Variants in KIF5A observed in about 807,000 individuals in gnomAD.
KIF5A encodes kinesin heavy chain isoform 5A.
A neutral mutation model predicts 141.3 loss-of-function variants in KIF5A; 35 were observed. The observed-to-expected ratio is 0.25, with a 90% CI of 0.19 to 0.33. KIF5A has a LOEUF of 0.33. Ranked by LOEUF, KIF5A falls within the 10% of genes least tolerant of loss-of-function variation. The probability of loss-of-function intolerance (pLI) is 1.00; values close to 1 mark genes in which losing one functional copy is unlikely to be tolerated. For missense variants in KIF5A, 861 were observed against 1,314.3 expected (o/e 0.66, Z 5.33); for synonymous variants, 448 against 500.2 (o/e 0.90, Z 1.39).
At chr12:57,577,911 G>C in intron 21 of KIF5A, 98 bp from the exon 22 acceptor site, 1 of 1,244,422 alleles carries the variant, frequency 8.0e-7, no homozygotes, top group Non-Finnish European at 1.2e-6. Context: ...AAGGATAAGT[G>C]ACTCACTTGA....
chr12:57,579,809 G>T (rs1882539603), intron 23 of KIF5A, among the ~76,000 whole-genome samples: 1 of 152,120 alleles, frequency 6.6e-6, no homozygotes, highest in Admixed American at 6.5e-5. Flanking sequence ...GCTCTATGGA[G>T]CAAGCCCCAG....
rs199504538 is a variant in KIF5A at position 57,569,433 on chromosome 12, C to T, written c.968+29C>T. On this transcript the variant is annotated intron_variant, in intron 10 of 28. Transcript: ENST00000455537. ...AGTGGCAGGGTCCCCAGAGGGATCC[C>T]TGGTACCCAGCTTCCCATCCCAGCC... 469 of 1,613,798 alleles carry T rather than the reference C, an allele frequency of 2.9e-4. 2 individuals are homozygous for T. The highest frequency in any genetic ancestry group is 1.6e-4 in the Middle Eastern group (1 of 6,084).
At chr12:57,558,423 C>G (rs2140155693) in intron 1 of KIF5A, among the ~76,000 whole-genome samples, 1 of 152,214 alleles carries the variant, frequency 6.6e-6, no homozygotes, top group Non-Finnish European at 1.5e-5. Flanking sequence ...CGCCTGTAAT[C>G]TCAGCATTGG....
chr12:57,558,432 G>A (rs1056116526), intron 1 of KIF5A, among the ~76,000 whole-genome samples: 7 of 150,506 alleles, frequency 4.7e-5, no homozygotes, highest in African/African-American at 1.7e-4. Flanking sequence ...TCTCAGCATT[G>A]GGAGGCCAAG....
chr12:57,576,614 G>C (rs1882434058), intron 19 of KIF5A, 147 bp from the exon 20 acceptor site: 2 of 732,708 alleles, frequency 2.7e-6, no homozygotes, highest in Non-Finnish European at 4.8e-6. Context: ...ACAGTGGCCT[G>C]AGTCTGCCTC....
At chr12:57,564,025 G>T (rs1398779298) in intron 3 of KIF5A, 83 bp from the exon 4 acceptor site, 2 of 957,574 alleles carry the variant, frequency 2.1e-6, no homozygotes, top group African/African-American at 1.6e-5. Context: ...ATTGACTCTT[G>T]CCTTGGTGTT....
chr12:57,555,144 G>A (rs1054107308), intron 1 of KIF5A, among the ~76,000 whole-genome samples: 1 of 152,132 alleles, frequency 6.6e-6, no homozygotes, highest in Non-Finnish European at 1.5e-5. Flanking sequence ...TATGGCTTTT[G>A]CTAACTATCT....
intron 19 of KIF5A, 25 bp from the exon 20 acceptor site, chr12:57,576,736 T>C: frequency 6.5e-7 from 1 of 1,549,978 alleles, no homozygotes; most frequent in Non-Finnish European, 8.9e-7. Context: ...CTCCCCCATC[T>C]CCATTACCTT....
At chr12:57,559,350 C>T (rs1167346381) in intron 1 of KIF5A, among the ~76,000 whole-genome samples, 2 of 152,164 alleles carry the variant, frequency 1.3e-5, no homozygotes, top group South Asian at 2.1e-4. Flanking sequence ...TATCTATTTA[C>T]TCACATTCTC....
intron 6 of KIF5A, among the ~76,000 whole-genome samples, chr12:57,565,352 C>A (rs1882032617): frequency 6.6e-6 from 1 of 151,958 alleles, no homozygotes; most frequent in Non-Finnish European, 1.5e-5. Context: ...ACCTGGGAGG[C>A]AGAGGTTGCG....
rs964106 is a variant in KIF5A at position 57,583,574 on chromosome 12, A to C, written c.*36+359A>C. ...ATCTATCAGGAGACCCTAGGGGGCC[A>C]TCTCAACCCCACCTCTTCCTCCACC... is the stretch of plus-strand genomic sequence containing the variant. On this transcript the variant is annotated intron_variant, in intron 28 of 28. Transcript: ENST00000455537. Among the ~76,000 whole-genome samples, 467 of 152,302 alleles carry C rather than the reference A, an allele frequency of 3.1e-3. 18 individuals carry two copies. In the East Asian group the frequency reaches 0.068, roughly 22 times the overall value.
rs371727146 is a variant in KIF5A at position 57,567,661 on chromosome 12, C to CTT, written c.714+59_714+60dup. On this transcript the variant is annotated intron_variant, in intron 8 of 28. Coordinates refer to ENST00000455537, the MANE Select transcript of KIF5A (RefSeq NM_004984.4). ...TATGGGGTGGGTGGAAGCCTTGGCT[C>CTT]TTTTTTTTTTTTTTTTTGAGACAGA... The CTT allele has an allele frequency of 2.8e-3, 3,629 of 1,303,450 alleles. 1 individual carries two copies. Among genetic ancestry groups the CTT allele is most frequent in the East Asian group, 0.011 (374 of 34,692 alleles). 80.7% of individuals were successfully genotyped at this position (1,303,450 alleles called of 1,614,324 possible). A position where few individuals can be genotyped will look rare whatever the true frequency, so the allele number is the denominator to read the frequency against.
At chr12:57,575,404 C>G (rs1882390125) in intron 16 of KIF5A, 132 bp downstream of exon 16, 1 of 1,146,662 alleles carries the variant, frequency 8.7e-7, no homozygotes, top group Non-Finnish European at 1.3e-6. Flanking sequence ...GACAGAAAAG[C>G]TGGGGTGGCA....
At chr12:57,583,050 A>G in intron 27 of KIF5A, 51 bp from the exon 28 acceptor site, 1 of 1,422,390 alleles carries the variant, frequency 7.0e-7, no homozygotes, top group East Asian at 2.3e-5. Flanking sequence ...CCATGATGAC[A>G]GGAATACTTT....
At chr12:57,569,192 C>T (rs988303327) in intron 9 of KIF5A, 64 bp from the exon 10 acceptor site, 2 of 1,604,170 alleles carry the variant, frequency 1.2e-6, no homozygotes, top group Non-Finnish European at 1.7e-6. Context: ...CACCACTATC[C>T]TTTCTGATTC....
rs1429751650 is a variant in KIF5A at position 57,564,968 on chromosome 12, G to A, written c.496G>A (p.Val166Ile). The part of the protein sequence containing the change: ...VHEDKNRVPF[V>I]KGCTERFVSS... ...CGAGGACAAGAACCGGGTGCCATTTGTCAAGGTGAGAGTGGGTGTGGGGCA... is the reference window on the plus strand; with the variant it reads ...CGAGGACAAGAACCGGGTGCCATTTATCAAGGTGAGAGTGGGTGTGGGGCA... The change falls in exon 6 of 29, where the codon GTC becomes ATC. Residue 166 changes from valine (V) to isoleucine (I), a missense_variant. Coordinates refer to ENST00000455537, the MANE Select transcript of KIF5A (RefSeq NM_004984.4). 2 of 1,614,074 alleles carry A rather than the reference G, an allele frequency of 1.2e-6. No individual in the cohort carries two copies. The highest frequency in any genetic ancestry group is 8.5e-7 in the Non-Finnish European group (1 of 1,180,020).
intron 15 of KIF5A, among the ~76,000 whole-genome samples, chr12:57,574,524 G>T (rs544233768): frequency 6.7e-6 from 1 of 149,354 alleles, no homozygotes; most frequent in East Asian, 2.0e-4. Flanking sequence ...CACCCACCTC[G>T]GCCTCCCAAA....
Position 57,575,223 on chromosome 12 carries a change from T to C in KIF5A, c.1856T>C (p.Met619Thr). 6.2e-7 allele frequency: 1 copy of C among 1,613,846 alleles called. No individual in the cohort carries two copies. The highest frequency in any genetic ancestry group is 8.5e-7 in the Non-Finnish European group (1 of 1,179,930). ...ENLQVECHRK[M>T]EVTGRELSSC... ...CTCCAGGTGGAGTGTCACCGCAAGA[T>C]GGAAGTGACCGGGCGGGAGCTCTCA... The change falls in exon 16 of 29, where the codon ATG (methionine) becomes ACG (threonine). Residue 619 changes from methionine to threonine, a missense_variant. Physicochemically the swap from Met to Thr is moderately conservative, Grantham distance 81. Around this residue, in one of 5 missense-constraint regions of KIF5A, gnomAD observed 482 missense variants for 661.3 expected, o/e 0.73. Coordinates refer to ENST00000455537, the MANE Select transcript of KIF5A (RefSeq NM_004984.4).
chr12:57,565,159 C>A (rs1219449859), intron 6 of KIF5A, among the ~76,000 whole-genome samples, 186 bp downstream of exon 6: 1 of 152,146 alleles, frequency 6.6e-6, no homozygotes, highest in Non-Finnish European at 1.5e-5. Context: ...GTGGCTCATA[C>A]CTGTAATCCC....
Sources: gnomAD v4.1 joint callset for allele counts (sites outside exome capture counted in the v4.1 genomes callset) on GRCh38, gnomAD v4.1.1 for gene constraint, gnomAD v4.1.1 regional missense constraint, MANE v1.5 for transcripts, NCBI Gene and HGNC (gene_info 2026-07-23, HGNC 2026-07-21) for gene names.